KAZN: variants seen among roughly 807,000 people sequenced by gnomAD.
The protein encoded by KAZN is kazrin, periplakin interacting protein, also known as kazrin.
Under a neutral mutation model 87.4 loss-of-function variants are expected in KAZN, and 40 were observed. That is an observed-to-expected ratio of 0.46 (90% CI 0.36 to 0.60). KAZN has a LOEUF of 0.60. KAZN is among the 20% of genes least tolerant of loss of function. KAZN has a pLI of 0.00. For missense variants in KAZN, 898 were observed against 1,073.9 expected (o/e 0.84, Z 2.29); for synonymous variants, 466 against 458.3 (o/e 1.02, Z -0.22).
intron 2 of KAZN, among the ~76,000 whole-genome samples, chr1:14,998,895 A>T (rs1345483642): frequency 6.6e-6 from 1 of 152,240 alleles, no homozygotes; most frequent in East Asian, 1.9e-4. Flanking sequence ...AGAGGTGAAG[A>T]TTCCCCAGCT....
intron 2 of KAZN, among the ~76,000 whole-genome samples, chr1:14,444,500 TG>T: frequency 6.6e-6 from 1 of 151,964 alleles, no homozygotes; most frequent in Non-Finnish European, 1.5e-5. Context: ...TTAGTAGAGA[TG>T]GGGTTTCTCC....
chr1:14,945,297 T>A (rs1233974346), intron 1 of KAZN, among the ~76,000 whole-genome samples: 2 of 152,194 alleles, frequency 1.3e-5, no homozygotes, highest in Non-Finnish European at 2.9e-5. Flanking sequence ...CAGCCCAAGG[T>A]AATTTTTCAA....
intron 2 of KAZN, among the ~76,000 whole-genome samples, chr1:14,263,020 TC>T (rs558197206): frequency 5.2e-4 from 79 of 152,334 alleles, no homozygotes; most frequent in African/African-American, 1.8e-3. Flanking sequence ...TGCGTGTATA[TC>T]CATTTTCCAC....
At chr1:14,772,811 A>G (rs1334287530) in intron 1 of KAZN, among the ~76,000 whole-genome samples, 1 of 152,152 alleles carries the variant, frequency 6.6e-6, no homozygotes, top group East Asian at 1.9e-4. Context: ...CTAGCTCTGA[A>G]GGTCACATTC....
At chr1:14,342,966 C>T (rs1483978694) in intron 2 of KAZN, among the ~76,000 whole-genome samples, 2 of 152,088 alleles carry the variant, frequency 1.3e-5, no homozygotes, top group Admixed American at 6.6e-5. Flanking sequence ...CATGGTGAAA[C>T]CCCATCTCTA....
chr1:14,382,488 G>T (rs1661458481), intron 2 of KAZN, among the ~76,000 whole-genome samples: 2 of 76,108 alleles, frequency 2.6e-5, no homozygotes, highest in Admixed American at 1.6e-4. Context: ...CCCACAACAG[G>T]CCCCAGAGTG....
In KAZN at chr1:13,981,091, A is replaced by ATATATATATATATATATATATATATATG. The variant is rs1308145927; in HGVS notation, c.91+87354_91+87355insATATATATGTATATATATATATATATAT. On this transcript the variant is annotated intron_variant, in intron 1 of 16. Transcript: ENST00000636203. ...GGAGAGGTATAAAAAATTACTCTTTATATATATATATATATATATGTATAT... is the reference window on the plus strand; with the variant it reads ...GGAGAGGTATAAAAAATTACTCTTTATATATATATATATATATATATATATATGTATATATATATATATATATGTATAT... Among the ~76,000 whole-genome samples, 45 of 107,676 alleles carry ATATATATATATATATATATATATATATG rather than the reference A, an allele frequency of 4.2e-4. 1 individual carries two copies. The highest frequency in any genetic ancestry group is 9.1e-4 in the Admixed American group (9 of 9,916). The allele number at this position is 107,676 out of a possible 152,430, so 70.6% of individuals were successfully genotyped here.
At chr1:15,038,042 A>C (rs1672514916) in intron 3 of KAZN, among the ~76,000 whole-genome samples, 1 of 152,158 alleles carries the variant, frequency 6.6e-6, no homozygotes, top group African/African-American at 2.4e-5. Flanking sequence ...GCTTGAGCCC[A>C]GGAGTTCAAG....
At chr1:14,781,271 G>A (rs1029733849) in intron 1 of KAZN, among the ~76,000 whole-genome samples, 2 of 152,344 alleles carry the variant, frequency 1.3e-5, no homozygotes, top group East Asian at 1.9e-4. Flanking sequence ...GCAGTGAGCC[G>A]AGATCGCGCC....
intron 1 of KAZN, among the ~76,000 whole-genome samples, chr1:14,785,468 G>A (rs1180487324): frequency 2.0e-5 from 3 of 152,076 alleles, no homozygotes; most frequent in South Asian, 2.1e-4. Flanking sequence ...GATACCTCAG[G>A]GGAGGCCCGT....
chr1:14,897,033 G>A (rs1213252417), intron 1 of KAZN, among the ~76,000 whole-genome samples: 1 of 152,114 alleles, frequency 6.6e-6, no homozygotes, highest in African/African-American at 2.4e-5. Context: ...TGTTTATTAG[G>A]TCAAGGAACT....
chr1:14,650,200 CAT>C (rs1309053888), intron 1 of KAZN, among the ~76,000 whole-genome samples: 1 of 152,028 alleles, frequency 6.6e-6, no homozygotes, highest in African/African-American at 2.4e-5. Context: ...CATGCTCAGT[CAT>C]ATAAAATTAT....
chr1:13,912,283 G>A (rs999999619), intron 1 of KAZN, among the ~76,000 whole-genome samples: 5 of 152,150 alleles, frequency 3.3e-5, no homozygotes, highest in Non-Finnish European at 5.9e-5. Flanking sequence ...TAATGAGTCC[G>A]CGGCAGTTCC....
chr1:14,734,587 A>T (rs956614194), intron 1 of KAZN, among the ~76,000 whole-genome samples: 3 of 152,142 alleles, frequency 2.0e-5, no homozygotes, highest in Admixed American at 6.5e-5. Context: ...TGCTGGGATT[A>T]CAGGCCTAAG....
At chr1:14,044,737 C>A (rs1452951251) in intron 1 of KAZN, among the ~76,000 whole-genome samples, 2 of 152,196 alleles carry the variant, frequency 1.3e-5, no homozygotes, top group Non-Finnish European at 2.9e-5. Flanking sequence ...ACAGCTAAGG[C>A]AATGTCATGG....
intron 2 of KAZN, among the ~76,000 whole-genome samples, chr1:14,346,386 C>A (rs1658110149): frequency 6.6e-6 from 1 of 152,116 alleles, no homozygotes; most frequent in African/African-American, 2.4e-5. Flanking sequence ...AGAAGCGAAT[C>A]CCTCTTGCTG....
intron 10 of KAZN, among the ~76,000 whole-genome samples, chr1:15,098,462 C>T (rs916061977): frequency 1.1e-4 from 17 of 152,226 alleles, no homozygotes; most frequent in South Asian, 2.1e-4. Context: ...GGGCCCCTCT[C>T]GAGTAGGTTA....
In KAZN at chr1:14,254,086, A is replaced by G. The variant is rs555997633; in HGVS notation, c.249+73494A>G. Reference sequence around the variant, plus strand: ...AAAACATAAAAATCTGTTCTATCTGATCTGCTTTTATGCATTTTTCTAAGC... The same window carrying G: ...AAAACATAAAAATCTGTTCTATCTGGTCTGCTTTTATGCATTTTTCTAAGC... On this transcript the variant is annotated intron_variant, in intron 2 of 16. Transcript: ENST00000636203. Among the ~76,000 whole-genome samples the G allele has an allele frequency of 3.9e-5, 6 of 152,176 alleles. No individual in the cohort carries two copies. The East Asian group carries it at 9.7e-4, about 25-fold the overall frequency.
At chr1:14,285,181 A>G (rs540831642) in intron 2 of KAZN, among the ~76,000 whole-genome samples, 12 of 152,344 alleles carry the variant, frequency 7.9e-5, no homozygotes, top group African/African-American at 2.9e-4. Flanking sequence ...TCCCAAGTTT[A>G]GAGGATTGTT....
Sources: gnomAD v4.1 joint callset for allele counts (sites outside exome capture counted in the v4.1 genomes callset) on GRCh38, gnomAD v4.1.1 for gene constraint, MANE v1.5 for transcripts, NCBI Gene and HGNC (gene_info 2026-07-23, HGNC 2026-07-21) for gene names.